The following TEX11 variants were observed in gnomAD, a reference collection of about 807,000 sequenced individuals.
TEX11 encodes testis-expressed protein 11.
TEX11 carries 7 observed loss-of-function variants against 84.4 expected under a neutral mutation model. That is an observed-to-expected ratio of 0.08 (90% CI 0.05 to 0.16). The LOEUF (loss-of-function observed/expected upper bound fraction) is 0.16. TEX11 is among the 10% of genes least tolerant of loss of function. The pLI is 1.00. For missense variants in TEX11, 551 were observed against 660.5 expected, an observed-to-expected ratio of 0.83 and a Z score of 1.82; for synonymous variants, 264 against 222.8, an observed-to-expected ratio of 1.18 and a Z score of -1.64.
At chrX:70,789,592 G>A (rs774092125) in intron 9 of TEX11, among the ~76,000 whole-genome samples, 197 of 111,770 alleles carry the variant, frequency 1.8e-3, no homozygotes, top group African/African-American at 6.1e-3. Flanking sequence ...CCCACAATGA[G>A]ATATCACCTC....
At chrX:70,780,132 G>C (rs1377564022) in intron 9 of TEX11, among the ~76,000 whole-genome samples, 1 of 110,161 alleles carries the variant, frequency 9.1e-6, no homozygotes, top group Non-Finnish European at 1.9e-5. Context: ...AAACTAGCCA[G>C]GCATGGCTAC....
At chrX:70,582,384 T>G (rs1603100608) in intron 25 of TEX11, among the ~76,000 whole-genome samples, 2 of 112,052 alleles carry the variant, frequency 1.8e-5, no homozygotes, top group East Asian at 2.8e-4. Flanking sequence ...AGTTAAATTT[T>G]TTTGCCCTGG....
intron 13 of TEX11, 97 bp downstream of exon 13, chrX:70,722,521 C>T (rs976288015): frequency 7.2e-5 from 46 of 639,953 alleles, no homozygotes; most frequent in Non-Finnish European, 9.8e-5. Context: ...GGGATCCTCC[C>T]GCCTCAGCCT....
intron 28 of TEX11, among the ~76,000 whole-genome samples, chrX:70,546,914 AT>A (rs779390743): frequency 5.9e-4 from 64 of 107,999 alleles, no homozygotes; most frequent in African/African-American, 2.0e-3. Context: ...GCACATGAAT[AT>A]TTATAGTAGC....
At chrX:70,817,360 A>C (rs73213071) in intron 8 of TEX11, among the ~76,000 whole-genome samples, 7,968 of 109,917 alleles carry the variant, frequency 0.072, 247 homozygotes, top group East Asian at 0.12. Context: ...TAATGCCCAG[A>C]TCTTGGCTTC....
chrX:70,859,752 A>G (rs777816843), intron 5 of TEX11, among the ~76,000 whole-genome samples: 1 of 111,522 alleles, frequency 9.0e-6, no homozygotes, highest in East Asian at 2.8e-4. Context: ...GCAGTGGCTC[A>G]TGCCTGTAAT....
chrX:70,892,160 A>G (rs1217399006), intron 2 of TEX11, among the ~76,000 whole-genome samples: 1 of 111,399 alleles, frequency 9.0e-6, no homozygotes, highest in African/African-American at 3.3e-5. Flanking sequence ...ATAAATAAAT[A>G]AATAAAAATA....
At chrX:70,734,928 C>T (rs977032895) in intron 11 of TEX11, among the ~76,000 whole-genome samples, 6 of 112,280 alleles carry the variant, frequency 5.3e-5, no homozygotes, top group African/African-American at 1.9e-4. Flanking sequence ...GGGAAAGATA[C>T]TGCTCTTGCC....
At position 70,858,304 on chromosome X, in the gene TEX11, C is replaced by A. The variant is rs1490375977; in HGVS notation, c.324+2553G>T. 2.8e-5 allele frequency among the ~76,000 whole-genome samples: 3 copies of A among 107,935 alleles called. No individual in the cohort carries two copies. In the East Asian group the frequency reaches 8.8e-4, roughly 32 times the overall value. The allele number at this position is 107,935 out of a possible 115,157, so 93.7% of individuals were successfully genotyped here. On this transcript the variant is annotated intron_variant, in intron 5 of 29. Transcript: ENST00000374333. Reference sequence around the variant, plus strand: ...CTCTACTAAAAATACAAAAATTAGCCGGGTGCAGTGGCCTGTAATCCCAGC... The same window carrying A: ...CTCTACTAAAAATACAAAAATTAGCAGGGTGCAGTGGCCTGTAATCCCAGC...
intron 9 of TEX11, among the ~76,000 whole-genome samples, chrX:70,766,824 C>T (rs1482917464): frequency 9.0e-6 from 1 of 111,717 alleles, no homozygotes; most frequent in African/African-American, 3.3e-5. Flanking sequence ...AACAAATCCA[C>T]ACACCTAACA....
At chrX:70,511,968 G>C in the TEX11 span, among the ~76,000 whole-genome samples, 2 of 105,034 alleles carry the variant, frequency 1.9e-5, 1 homozygote, top group African/African-American at 7.1e-5. Flanking sequence ...TCCTTCAGTG[G>C]TTTACACAAT....
chrX:70,583,593 A>G (rs1438443212), intron 25 of TEX11, among the ~76,000 whole-genome samples: 1 of 112,247 alleles, frequency 8.9e-6, no homozygotes, highest in African/African-American at 3.2e-5. Flanking sequence ...GTATCTTTTT[A>G]ATATATAATT....
At chrX:70,708,002 C>A (rs2090391916) in intron 13 of TEX11, among the ~76,000 whole-genome samples, 1 of 110,735 alleles carries the variant, frequency 9.0e-6, no homozygotes, top group African/African-American at 3.3e-5. Context: ...TATTCACAAA[C>A]TATGGATCTA....
intron 8 of TEX11, among the ~76,000 whole-genome samples, chrX:70,807,428 T>C (rs2091225408): frequency 8.9e-6 from 1 of 112,050 alleles, no homozygotes; most frequent in Non-Finnish European, 1.9e-5. Flanking sequence ...TATATGAATG[T>C]TGCCTTAGGA....
intron 8 of TEX11, among the ~76,000 whole-genome samples, chrX:70,811,833 A>G (rs1305459264): frequency 2.7e-5 from 3 of 111,589 alleles, no homozygotes; most frequent in Admixed American, 9.5e-5. Context: ...TCTTTTGAGA[A>G]GTGTCTGTTC....
At chrX:70,717,791 A>G (rs749322803) in intron 13 of TEX11, among the ~76,000 whole-genome samples, 1 of 112,480 alleles carries the variant, frequency 8.9e-6, no homozygotes, top group East Asian at 2.8e-4. Context: ...TATGTAACAT[A>G]AATGAGTGAA....
intron 25 of TEX11, among the ~76,000 whole-genome samples, chrX:70,580,850 G>A (rs774367315): frequency 9.0e-6 from 1 of 111,555 alleles, no homozygotes; most frequent in Non-Finnish European, 1.9e-5. Context: ...TACATTCTGT[G>A]GTATGTTAGA....
intron 9 of TEX11, among the ~76,000 whole-genome samples, chrX:70,805,175 AT>A (rs1328775702): frequency 1.8e-5 from 2 of 109,827 alleles, no homozygotes; most frequent in Non-Finnish European, 3.8e-5. Flanking sequence ...AGTCTCTTAT[AT>A]AAGTCATTTG....
At chrX:70,861,557 C>G (rs990881721) in intron 4 of TEX11, among the ~76,000 whole-genome samples, 6 of 110,324 alleles carry the variant, frequency 5.4e-5, no homozygotes, top group African/African-American at 2.0e-4. Context: ...GCCTCCACCT[C>G]CCAGGTTCCA....
Sources: gnomAD v4.1 joint callset for allele counts (sites outside exome capture counted in the v4.1 genomes callset) on GRCh38, gnomAD v4.1.1 for gene constraint, MANE v1.5 for transcripts, NCBI Gene and HGNC (gene_info 2026-07-23, HGNC 2026-07-21) for gene names.